Variants in SH3PXD2A observed in about 807,000 individuals in gnomAD.
SH3PXD2A encodes the protein SH3 and PX domains 2A, also known as SH3 and PX domain-containing protein 2A.
In SH3PXD2A, 32 loss-of-function variants were observed where a neutral mutation model predicts 115.2. The observed-to-expected ratio is 0.28, with a 90% CI of 0.21 to 0.37. The LOEUF is 0.37. Among genes scored for constraint, SH3PXD2A ranks in the 10% least tolerant of loss-of-function variants. SH3PXD2A has a pLI of 1.00. For missense variants in SH3PXD2A, 1,328 were observed against 1,498.7 expected (o/e 0.89, Z 1.88); for synonymous variants, 610 against 629.1 (o/e 0.97, Z 0.45).
At chr10:103,622,448 A>G in intron 10 of SH3PXD2A, 22 bp downstream of exon 10, 5 of 1,510,752 alleles carry the variant, frequency 3.3e-6, no homozygotes, top group Non-Finnish European at 4.5e-6. Context: ...GCGAGGGAGG[A>G]GAAGCCAGCT....
At chr10:103,814,493 T>C (rs7086170) in intron 1 of SH3PXD2A, among the ~76,000 whole-genome samples, 139,722 of 152,252 alleles carry the variant, frequency 0.92, 64,336 homozygotes, top group South Asian at 0.95. Flanking sequence ...CAGGTCTCTG[T>C]CCAACATCAG....
chr10:103,677,903 C>T (rs1003691962), intron 6 of SH3PXD2A, among the ~76,000 whole-genome samples: 1 of 152,186 alleles, frequency 6.6e-6, no homozygotes, highest in Non-Finnish European at 1.5e-5. Context: ...TTGATACCCA[C>T]GGCTCTGCCC....
chr10:103,628,460 G>A (rs1344328142), intron 8 of SH3PXD2A, among the ~76,000 whole-genome samples: 2 of 151,900 alleles, frequency 1.3e-5, no homozygotes, highest in African/African-American at 4.8e-5. Flanking sequence ...TGGCTCAGGG[G>A]CCTCAGTTGG....
At chr10:103,761,822 C>T (rs1307611066) in intron 3 of SH3PXD2A, among the ~76,000 whole-genome samples, 1 of 152,178 alleles carries the variant, frequency 6.6e-6, no homozygotes, top group Non-Finnish European at 1.5e-5. Flanking sequence ...GTGGCAATTC[C>T]TTCTTGCCCA....
intron 6 of SH3PXD2A, among the ~76,000 whole-genome samples, chr10:103,681,765 C>T (rs971966836): frequency 8.5e-5 from 13 of 152,094 alleles, no homozygotes; most frequent in Admixed American, 5.9e-4. Flanking sequence ...CGCCCGCGCG[C>T]GCGCGCGCAC....
intron 2 of SH3PXD2A, among the ~76,000 whole-genome samples, chr10:103,786,140 G>C (rs1660723349): frequency 6.6e-6 from 1 of 152,116 alleles, no homozygotes; most frequent in Admixed American, 6.5e-5. Flanking sequence ...TGCCCCTTCT[G>C]CTCTGTAGCT....
rs2037369145 is a variant in SH3PXD2A, at chr10:103,665,203, C to T, written c.472+3405G>A. ...AAGGGAGAAAGGGGAGATGGGGAAA[C>T]TGAGGTAAGGAGGAGAAAGAAGCCC... On this transcript the variant is annotated intron_variant, in intron 7 of 14. Transcript: ENST00000369774. The surrounding 1 kb of genome is among the most constrained non-coding windows in gnomAD (Gnocchi z 4.0). Among the ~76,000 whole-genome samples, 1 of 152,064 alleles carries T rather than the reference C, an allele frequency of 6.6e-6. No homozygotes were observed. Among genetic ancestry groups the T allele is most frequent in the Non-Finnish European group, 1.5e-5 (1 of 68,028 alleles).
chr10:103,641,617 A>G lies in SH3PXD2A; in HGVS notation c.605-14415T>C, dbSNP rs578253220. On this transcript the variant is annotated intron_variant, in intron 8 of 14. Transcript: ENST00000369774. ...CCAAATGCCTGCTCTATTATGCCCC[A>G]AATTCCCATCTGACAGATGAGCCAA... Among the ~76,000 whole-genome samples the G allele has an allele frequency of 2.0e-4, 30 of 152,252 alleles. 2 individuals are homozygous for G. Among genetic ancestry groups the G allele is most frequent in the South Asian group, 1.5e-3 (7 of 4,818 alleles).
chr10:103,822,465 A>G (rs879175794), intron 1 of SH3PXD2A, among the ~76,000 whole-genome samples: 4 of 152,202 alleles, frequency 2.6e-5, no homozygotes, highest in Admixed American at 2.0e-4. Context: ...ATGGCCCCCC[A>G]TTCCCTAAAT....
At chr10:103,672,785 A>G (rs975552162) in intron 6 of SH3PXD2A, among the ~76,000 whole-genome samples, 14 of 152,228 alleles carry the variant, frequency 9.2e-5, no homozygotes, top group African/African-American at 2.9e-4. Context: ...CACAAAGAGG[A>G]GTAAGTGGTA....
intron 7 of SH3PXD2A, among the ~76,000 whole-genome samples, chr10:103,664,376 C>T (rs1412381454): frequency 1.3e-5 from 2 of 152,220 alleles, no homozygotes; most frequent in Non-Finnish European, 2.9e-5. Context: ...CCAACAGCAT[C>T]GAGCTGCCTC....
intron 9 of SH3PXD2A, 107 bp from the exon 10 acceptor site, chr10:103,622,660 G>T: frequency 3.0e-6 from 2 of 668,980 alleles, no homozygotes; most frequent in Non-Finnish European, 2.7e-6. Flanking sequence ...ACAGGGAGGG[G>T]AGGCCCACAC....
intron 2 of SH3PXD2A, among the ~76,000 whole-genome samples, chr10:103,789,187 A>G (rs1156341658): frequency 4.8e-5 from 7 of 145,008 alleles, no homozygotes. Context: ...TGGGGGGGGT[A>G]GAAGGACCAG....
At chr10:103,716,243 C>T (rs2038103533) in intron 5 of SH3PXD2A, among the ~76,000 whole-genome samples, 1 of 152,174 alleles carries the variant, frequency 6.6e-6, no homozygotes, top group Admixed American at 6.5e-5. Flanking sequence ...GGATGGCCTC[C>T]CCTTTTGGCC....
intron 3 of SH3PXD2A, among the ~76,000 whole-genome samples, chr10:103,750,727 G>A (rs868220506): frequency 3.3e-5 from 5 of 152,168 alleles, no homozygotes; most frequent in Non-Finnish European, 7.3e-5. Context: ...ACCTGACTCC[G>A]GGGTCAATGC....
chr10:103,801,216 G>A (rs1190298853), intron 2 of SH3PXD2A, 66 bp downstream of exon 2: 5 of 944,592 alleles, frequency 5.3e-6, no homozygotes, highest in East Asian at 4.8e-5. Context: ...CTGGATAAGC[G>A]AGGGTATGAG....
chr10:103,781,393 G>A (rs974140554), intron 2 of SH3PXD2A, among the ~76,000 whole-genome samples: 4 of 152,114 alleles, frequency 2.6e-5, no homozygotes, highest in Admixed American at 6.5e-5. Flanking sequence ...AAAACTCCAC[G>A]CAGGATGGGG....
chr10:103,655,980 C>T (rs1439936372), intron 8 of SH3PXD2A, among the ~76,000 whole-genome samples: 1 of 152,176 alleles, frequency 6.6e-6, no homozygotes, highest in Non-Finnish European at 1.5e-5. Context: ...CTCCTACATA[C>T]AGTATACTTC....
At position 103,597,687 on chromosome 10, in the gene SH3PXD2A, C is replaced by T. The variant is rs2036155546; in HGVS notation, c.*4129G>A. 1 of 152,716 alleles carries T rather than the reference C, an allele frequency of 6.5e-6. No individual in the cohort carries two copies. The highest frequency in any genetic ancestry group is 2.4e-5 in the African/African-American group (1 of 41,464). The allele number at this position is 152,716 out of a possible 1,614,324, so 9.5% of individuals were successfully genotyped here. ...AGCACCCCGCTCCCTGCCTCTTGCT[C>T]TCTGAGCGCCACTGGTATTCCCTCC... On this transcript the variant is annotated 3_prime_UTR_variant, in exon 15 of 15. Transcript: ENST00000369774.
Sources: allele counts gnomAD v4.1 joint callset (sites outside exome capture counted in the v4.1 genomes callset), GRCh38; gene constraint gnomAD v4.1.1; non-coding constraint Gnocchi (gnomAD v3.1); transcripts MANE v1.5; gene names NCBI Gene and HGNC (gene_info 2026-07-23, HGNC 2026-07-21).